Variants in MYO1B observed in about 807,000 individuals in gnomAD.
The protein encoded by MYO1B is unconventional myosin-Ib.
Under a neutral mutation model 159.7 loss-of-function variants are expected in MYO1B, and 72 were observed. The observed-to-expected ratio is 0.45, with a 90% CI of 0.37 to 0.55. The LOEUF (loss-of-function observed/expected upper bound fraction) is 0.55. Among genes scored for constraint, MYO1B ranks in the 20% least tolerant of loss-of-function variants. MYO1B has a pLI of 0.00. For missense variants in MYO1B, 1,062 were observed against 1,364.8 expected, an observed-to-expected ratio of 0.78 and a Z score of 3.50; for synonymous variants, 468 against 473.8, an observed-to-expected ratio of 0.99 and a Z score of 0.16.
In MYO1B at chr2:191,400,945, G is replaced by T. The variant is rs1196803768; in HGVS notation, c.2469+110G>T. The T allele has an allele frequency of 4.8e-6, 5 of 1,034,898 alleles. No homozygotes were observed. The African/African-American group carries it at 6.4e-5, about 13-fold the overall frequency. The allele number at this position is 1,034,898 out of a possible 1,614,324, so 64.1% of individuals were successfully genotyped here. ...CTACAATTAATAGTGGCTCACACTG[G>T]TGCATGTCCTAGCCGCCAGATTTAA... On this transcript the variant is annotated intron_variant, in intron 23 of 30. Transcript: ENST00000392318.
chr2:191,356,762 A>G (rs1488151856), intron 7 of MYO1B, among the ~76,000 whole-genome samples: 1 of 152,250 alleles, frequency 6.6e-6, no homozygotes, highest in African/African-American at 2.4e-5. Flanking sequence ...TTAGATTCAG[A>G]TACATTCATG....
rs564086183 is a variant in MYO1B at position 191,329,744 on chromosome 2, G to C, written c.252-191G>C. Among the ~76,000 whole-genome samples, 486 of 151,338 alleles carry C rather than the reference G, an allele frequency of 3.2e-3. 2 individuals are homozygous for C. Among genetic ancestry groups the C allele is most frequent in the Non-Finnish European group, 5.6e-3 (377 of 67,848 alleles). ...TATTTTGGTTAATAGAGAATACATG[G>C]AAGAAGGTAACGTGTCACAATGGAT... On this transcript the variant is annotated intron_variant, in intron 3 of 30. Transcript: ENST00000392318.
At chr2:191,342,662 C>T (rs931957835) in intron 5 of MYO1B, among the ~76,000 whole-genome samples, 7 of 152,210 alleles carry the variant, frequency 4.6e-5, no homozygotes, top group South Asian at 2.1e-4. Flanking sequence ...GCCTTGCCAA[C>T]GTGATGAAAC....
Position 191,358,983 on chromosome 2 carries a change from G to A in MYO1B, c.563-1648G>A, listed in dbSNP as rs1001321249. Reference sequence around the variant, plus strand: ...CGTGCATGAATGGATGAAGTCAAATGTAGCATTTGTTTATATTTTTTATGT... The same window carrying A: ...CGTGCATGAATGGATGAAGTCAAATATAGCATTTGTTTATATTTTTTATGT... On this transcript the variant is annotated intron_variant, in intron 7 of 30. Coordinates refer to ENST00000392318, the MANE Select transcript of MYO1B (RefSeq NM_001130158.3). Among the ~76,000 whole-genome samples, 5 of 152,354 alleles carry A rather than the reference G, an allele frequency of 3.3e-5. No homozygotes were observed. In the East Asian group the frequency reaches 7.7e-4, roughly 23 times the overall value.
At chr2:191,397,132 T>TC (rs1559232637) in intron 21 of MYO1B, among the ~76,000 whole-genome samples, 1 of 112,076 alleles carries the variant, frequency 8.9e-6, no homozygotes, top group Non-Finnish European at 1.7e-5. Context: ...TGATTTCTTT[T>TC]TTTTTTTTTT....
intron 30 of MYO1B, among the ~76,000 whole-genome samples, chr2:191,418,482 A>ATTTTTTT (rs1159016855): frequency 0.017 from 1,366 of 81,002 alleles, 83 homozygotes; most frequent in East Asian, 0.031. Context: ...TCTTTAGTGG[A>ATTTTTTT]TTTTTTTTTT....
At chr2:191,393,807 T>C (rs1427827585) in intron 20 of MYO1B, among the ~76,000 whole-genome samples, 1 of 152,194 alleles carries the variant, frequency 6.6e-6, no homozygotes, top group African/African-American at 2.4e-5. Context: ...GAAATTTCTT[T>C]TTGGCATTTC....
At chr2:191,279,889 G>GTT (rs1687955613) in intron 2 of MYO1B, among the ~76,000 whole-genome samples, 2 of 152,132 alleles carry the variant, frequency 1.3e-5, no homozygotes, top group Non-Finnish European at 2.9e-5. Context: ...AGCTATGTCT[G>GTT]ATAAGGGGGC....
At chr2:191,385,067 T>C (rs963596860) in intron 15 of MYO1B, among the ~76,000 whole-genome samples, 14 of 152,096 alleles carry the variant, frequency 9.2e-5, no homozygotes, top group Admixed American at 9.2e-4. Context: ...GGGTTGATGG[T>C]CAGTGGAGTG....
chr2:191,414,890 A>T (rs965333987), intron 29 of MYO1B, among the ~76,000 whole-genome samples: 1 of 152,254 alleles, frequency 6.6e-6, no homozygotes, highest in East Asian at 1.9e-4. Context: ...ACTAATACAT[A>T]GAAATATCAA....
intron 8 of MYO1B, among the ~76,000 whole-genome samples, chr2:191,361,169 A>G (rs1693647941): frequency 6.6e-6 from 1 of 152,180 alleles, no homozygotes; most frequent in Non-Finnish European, 1.5e-5. Context: ...AGCAGCTAGA[A>G]CTGCCTCAGT....
chr2:191,321,090 G>C (rs942259646), intron 3 of MYO1B, among the ~76,000 whole-genome samples: 13 of 152,072 alleles, frequency 8.5e-5, no homozygotes, highest in African/African-American at 3.1e-4. Context: ...CTAACTGTTT[G>C]GGATGTGGAT....
At chr2:191,337,760 A>T (rs1691950895) in intron 4 of MYO1B, among the ~76,000 whole-genome samples, 1 of 152,180 alleles carries the variant, frequency 6.6e-6, no homozygotes. Context: ...TTAAATGACA[A>T]TATTCTTATA....
intron 7 of MYO1B, among the ~76,000 whole-genome samples, chr2:191,351,043 G>C (rs1317731461): frequency 6.6e-6 from 1 of 152,102 alleles, no homozygotes; most frequent in East Asian, 1.9e-4. Flanking sequence ...TCAGGGCTTT[G>C]TGCACCTCAG....
At chr2:191,322,159 C>T (rs779038318) in intron 3 of MYO1B, among the ~76,000 whole-genome samples, 5 of 152,130 alleles carry the variant, frequency 3.3e-5, no homozygotes, top group Non-Finnish European at 5.9e-5. Flanking sequence ...GGGAACTTTC[C>T]CCCCTGTGGT....
intron 7 of MYO1B, among the ~76,000 whole-genome samples, chr2:191,351,200 AAAAG>A (rs1338317221): frequency 2.0e-5 from 3 of 152,138 alleles, no homozygotes; most frequent in Non-Finnish European, 2.9e-5. Flanking sequence ...AAAAAAAAAA[AAAAG>A]AAAGTTGACT....
intron 3 of MYO1B, among the ~76,000 whole-genome samples, chr2:191,318,283 T>C (rs1379549078): frequency 6.6e-6 from 1 of 152,192 alleles, no homozygotes; most frequent in Non-Finnish European, 1.5e-5. Context: ...AGGGCCTTGC[T>C]TGCTTTGTAA....
chr2:191,421,600 C>A (rs753602050), intron 30 of MYO1B, among the ~76,000 whole-genome samples: 1 of 152,068 alleles, frequency 6.6e-6, no homozygotes, highest in Admixed American at 6.6e-5. Flanking sequence ...CTCAGCTTCC[C>A]GAGTAGCTGG....
At position 191,392,172 on chromosome 2, in the gene MYO1B, T is replaced by A. The variant is rs148260477; in HGVS notation, c.2047T>A (p.Ser683Thr). ...IPVEEYSFGRSKIFIRNPRTL... is the reference protein window; with the variant it reads ...IPVEEYSFGRTKIFIRNPRTL... ...CGTGGAAGAATACTCCTTTGGTAGATCAAAGATATTCATCCGAAACCCAAG... is the reference window on the plus strand; with the variant it reads ...CGTGGAAGAATACTCCTTTGGTAGAACAAAGATATTCATCCGAAACCCAAG... Residue 683 changes from serine (S) to threonine (T), a missense_variant, in exon 19 of 31, where the codon TCA becomes ACA. This residue lies in a region of MYO1B where 609 missense variants were observed against 744.4 expected (regional missense o/e 0.82). Coordinates refer to ENST00000392318, the MANE Select transcript of MYO1B (RefSeq NM_001130158.3). 8.1e-4 allele frequency: 1,309 copies of A among 1,607,482 alleles called. 2 individuals are homozygous for A. The highest frequency in any genetic ancestry group is 9.9e-4 in the Non-Finnish European group (1,169 of 1,175,164).
Sources: gnomAD v4.1 joint callset for allele counts (sites outside exome capture counted in the v4.1 genomes callset) on GRCh38, gnomAD v4.1.1 for gene constraint, gnomAD v4.1.1 regional missense constraint, MANE v1.5 for transcripts, NCBI Gene and HGNC (gene_info 2026-07-23, HGNC 2026-07-21) for gene names.